The following ATP11A variants were observed in gnomAD, a reference collection of about 807,000 sequenced individuals.
The protein encoded by ATP11A is phospholipid-transporting ATPase IH.
Under a neutral mutation model 154.4 loss-of-function variants are expected in ATP11A, and 81 were observed. The ratio of observed to expected loss-of-function variants is 0.52; its 90% CI spans 0.44 to 0.63. ATP11A has a LOEUF of 0.63. ATP11A is among the 30% of genes least tolerant of loss of function. The pLI is 0.00. For missense variants in ATP11A, 1,316 were observed against 1,474.3 expected (o/e 0.89, Z 1.76); for synonymous variants, 623 against 585.9 (o/e 1.06, Z -0.91).
chr13:112,837,496 G>A (rs145976007), intron 16 of ATP11A, among the ~76,000 whole-genome samples: 6 of 152,288 alleles, frequency 3.9e-5, no homozygotes, highest in South Asian at 2.1e-4. Context: ...CTGACGTCAC[G>A]CCACCCTCCG....
At chr13:112,758,037 T>C (rs2076881516) in intron 1 of ATP11A, among the ~76,000 whole-genome samples, 1 of 152,244 alleles carries the variant, frequency 6.6e-6, no homozygotes, top group South Asian at 2.1e-4. Flanking sequence ...CATCCAAGTC[T>C]CAACCTTTGT....
At chr13:112,695,582 A>T (rs575223876) in intron 1 of ATP11A, among the ~76,000 whole-genome samples, 1 of 152,338 alleles carries the variant, frequency 6.6e-6, no homozygotes, top group East Asian at 1.9e-4. Flanking sequence ...TAGAGGGAAA[A>T]AAGTTTGTAT....
rs190592236 is a variant in ATP11A, at chr13:112,696,351, C to T, written c.39+5896C>T. ...TCACGTGGAGAGTGGGTGACCTTGC[C>T]CTGCTCTCCCGGGGAGAGCGGTGGT... On this transcript the variant is annotated intron_variant, in intron 1 of 29. Coordinates refer to ENST00000375645, the MANE Select transcript of ATP11A (RefSeq NM_015205.3). The surrounding 1 kb of genome is among the most constrained non-coding windows in gnomAD (Gnocchi z 6.2). 6.6e-6 allele frequency among the ~76,000 whole-genome samples: 1 copy of T among 152,152 alleles called. No individual in the cohort carries two copies. Among genetic ancestry groups the T allele is most frequent in the Non-Finnish European group, 1.5e-5 (1 of 68,008 alleles).
Position 112,826,893 on chromosome 13 carries a change from T to C in ATP11A, c.1221+2T>C, listed in dbSNP as rs1270255450. 6.2e-7 allele frequency: 1 copy of C among 1,614,034 alleles called. No homozygotes were observed. Among genetic ancestry groups the C allele is most frequent in the Non-Finnish European group, 8.5e-7 (1 of 1,180,020 alleles). ...GACCTCAATGAAGAGCTGGGACAGG[T>C]TGGTGTCTCCTGAGTCATCTGCTGT... On this transcript the variant is annotated splice_donor_variant, in intron 12 of 29. Transcript: ENST00000375645. LOFTEE classifies it high-confidence loss of function.
At chr13:112,720,778 G>T (rs765011230) in intron 1 of ATP11A, among the ~76,000 whole-genome samples, 5 of 152,086 alleles carry the variant, frequency 3.3e-5, no homozygotes, top group Non-Finnish European at 5.9e-5. Context: ...GGCTGGTCTC[G>T]ATCTCTTAAC....
At position 112,690,432 on chromosome 13, in the gene ATP11A, G is replaced by A. The variant is rs975668664; in HGVS notation, c.16G>A (p.Val6Met). Residue 6 changes from valine to methionine, a missense_variant, in exon 1 of 30, where the codon GTG (valine) becomes ATG (methionine). Physicochemically the swap from Val to Met is conservative, Grantham distance 21. Transcript: ENST00000375645. The surrounding 1 kb of genome is among the most constrained non-coding windows in gnomAD (Gnocchi z 5.6). ...CGGAGGAGCCATGGACTGCAGCCTC[G>A]TGCGGACGCTCGTGCACAGATACGT... MDCSL[V>M]RTLVHRYCAG... 3.0e-6 allele frequency: 4 copies of A among 1,348,532 alleles called. No homozygotes were observed. The highest frequency in any genetic ancestry group is 3.8e-6 in the Non-Finnish European group (4 of 1,047,304). 83.5% of individuals were successfully genotyped at this position (1,348,532 alleles called of 1,614,324 possible). A position where few individuals can be genotyped will look rare whatever the true frequency, so the allele number is the denominator to read the frequency against.
At chr13:112,776,410 A>AGG (rs1326095703) in intron 1 of ATP11A, among the ~76,000 whole-genome samples, 1 of 152,100 alleles carries the variant, frequency 6.6e-6, no homozygotes, top group Admixed American at 6.6e-5. Context: ...GGAGGGTCAG[A>AGG]GGGCCAGTGA....
intron 1 of ATP11A, among the ~76,000 whole-genome samples, chr13:112,757,390 T>A (rs116821972): frequency 0.014 from 2,196 of 152,372 alleles, 64 homozygotes; most frequent in African/African-American, 0.05. Context: ...GTTTTCCGAG[T>A]CTCTTAGTGT....
intron 1 of ATP11A, among the ~76,000 whole-genome samples, chr13:112,709,812 G>C (rs996311292): frequency 6.6e-6 from 1 of 152,276 alleles, no homozygotes; most frequent in African/African-American, 2.4e-5. Flanking sequence ...CCTGAGGGTT[G>C]TGCCACTCAT....
At chr13:112,878,348 G>A (rs1594261478) in intron 29 of ATP11A, 45 bp downstream of exon 29, 1 of 1,593,962 alleles carries the variant, frequency 6.3e-7, no homozygotes. Flanking sequence ...GTAGACACGG[G>A]GCAGCAGGGC....
rs2080980121 is a variant in ATP11A, at chr13:112,886,289, A to C, written c.*4423A>C. 6.6e-6 allele frequency: 1 copy of C among 152,208 alleles called. No homozygotes were observed. The highest frequency in any genetic ancestry group is 6.5e-5 in the Admixed American group (1 of 15,280). 9.4% of individuals were successfully genotyped at this position (152,208 alleles called of 1,614,324 possible). A position where few individuals can be genotyped will look rare whatever the true frequency, so the allele number is the denominator to read the frequency against. On this transcript the variant is annotated 3_prime_UTR_variant, in exon 30 of 30. Coordinates refer to ENST00000375645, the MANE Select transcript of ATP11A (RefSeq NM_015205.3). ...AGGCTGTGGGGACTCCCCTGAGTTG[A>C]GCCTTGGCCAGGGGTCCGGTGCTGT... is the stretch of plus-strand genomic sequence containing the variant.
chr13:112,862,853 G>T (rs541149451), intron 25 of ATP11A, among the ~76,000 whole-genome samples: 4 of 143,316 alleles, frequency 2.8e-5, no homozygotes, highest in Admixed American at 7.0e-5. Context: ...TCCCAGCGGG[G>T]TCCATCACCA....
intron 5 of ATP11A, 123 bp from the exon 6 acceptor site, chr13:112,815,960 C>T (rs891771342): frequency 7.4e-6 from 10 of 1,352,590 alleles, no homozygotes; most frequent in Admixed American, 2.0e-5. Flanking sequence ...TTCCTGAAAC[C>T]GTGTCCACAT....
At position 112,875,663 on chromosome 13, in the gene ATP11A, A is replaced by G. The variant is rs1261095288; in HGVS notation, c.3162-113A>G. On this transcript the variant is annotated intron_variant, in intron 27 of 29. Coordinates refer to ENST00000375645, the MANE Select transcript of ATP11A (RefSeq NM_015205.3). The surrounding 1 kb of genome is among the most constrained non-coding windows in gnomAD (Gnocchi z 4.1). The stretch of plus-strand genomic sequence containing the variant: ...AGCAGGCTCCGTGGCTTGCCAAGCA[A>G]CTCTCACTGACAAAAGTGTAAACTC... The G allele has an allele frequency of 5.7e-6, 7 of 1,230,220 alleles. No individual in the cohort carries two copies. The highest frequency in any genetic ancestry group is 1.5e-5 in the African/African-American group (1 of 66,194). 76.2% of individuals were successfully genotyped at this position (1,230,220 alleles called of 1,614,324 possible). A position where few individuals can be genotyped will look rare whatever the true frequency, so the allele number is the denominator to read the frequency against.
chr13:112,765,860 C>A (rs574135150), intron 1 of ATP11A, among the ~76,000 whole-genome samples: 1 of 152,258 alleles, frequency 6.6e-6, no homozygotes, highest in African/African-American at 2.4e-5. Flanking sequence ...AACGACCTCC[C>A]GTAAAGCAGC....
intron 1 of ATP11A, among the ~76,000 whole-genome samples, chr13:112,711,438 C>G (rs1358545246): frequency 6.6e-6 from 1 of 151,964 alleles, no homozygotes; most frequent in Non-Finnish European, 1.5e-5. Context: ...AAGACCCTGT[C>G]TCTGATACAT....
intron 1 of ATP11A, among the ~76,000 whole-genome samples, chr13:112,763,522 G>T (rs2077008446): frequency 1.3e-5 from 2 of 152,142 alleles, no homozygotes. Context: ...GCTGTCTCTT[G>T]TGGGGGAAAT....
intron 1 of ATP11A, among the ~76,000 whole-genome samples, chr13:112,738,612 A>C (rs751527158): frequency 2.6e-5 from 4 of 152,180 alleles, no homozygotes; most frequent in Non-Finnish European, 1.5e-5. Flanking sequence ...GGACAGGTGG[A>C]TCTGCCAAGC....
Position 112,836,214 on chromosome 13 carries a change from C to G in ATP11A, c.1668C>G (p.Val556=). 6.2e-7 allele frequency: 1 copy of G among 1,612,636 alleles called. No homozygotes were observed. Among genetic ancestry groups the G allele is most frequent in the Non-Finnish European group, 8.5e-7 (1 of 1,179,122 alleles). ...TGGAAATTTTGAGTTTTGACTCAGT[C>G]AGAAGGAGAATGAGTGTAATTGTAA... ...ELLEILSFDS[V]RRRMSVIVKS... Residue 556 remains valine, a synonymous_variant, in exon 16 of 30, where the codon GTC becomes GTG. Coordinates refer to ENST00000375645, the MANE Select transcript of ATP11A (RefSeq NM_015205.3).
Sources: gnomAD v4.1 joint callset for allele counts (sites outside exome capture counted in the v4.1 genomes callset) on GRCh38, gnomAD v4.1.1 for gene constraint, Gnocchi (gnomAD v3.1) non-coding constraint, MANE v1.5 for transcripts, NCBI Gene and HGNC (gene_info 2026-07-23, HGNC 2026-07-21) for gene names.